Variants in CRACDL observed in about 807,000 individuals in gnomAD.
CRACDL encodes the protein CRACD like, also known as CRACD-like protein.
In CRACDL, 26 loss-of-function variants were observed where a neutral mutation model predicts 70.6. The ratio of observed to expected loss-of-function variants is 0.37; its 90% CI spans 0.27 to 0.51. The LOEUF (loss-of-function observed/expected upper bound fraction) is 0.51, where lower values mean the gene tolerates loss of function less well. Ranked by LOEUF, CRACDL falls within the 20% of genes least tolerant of loss-of-function variation. The pLI is 0.94. For missense variants in CRACDL, 1,283 were observed against 1,376.9 expected (o/e 0.93, Z 1.08); for synonymous variants, 618 against 615.2 (o/e 1.00, Z -0.07).
intron 1 of CRACDL, among the ~76,000 whole-genome samples, chr2:98,923,067 C>T (rs752584190): frequency 6.6e-6 from 1 of 151,866 alleles, no homozygotes; most frequent in Non-Finnish European, 1.5e-5. Flanking sequence ...CTCAGCAGTT[C>T]GAGACCAGCC....
At chr2:98,831,219 G>C (rs141671629) in intron 5 of CRACDL, among the ~76,000 whole-genome samples, 2 of 152,256 alleles carry the variant, frequency 1.3e-5, no homozygotes, top group East Asian at 3.9e-4. Context: ...CAGAATTCTG[G>C]AGAGAATAAT....
chr2:98,899,222 T>G (rs532696107), intron 1 of CRACDL, among the ~76,000 whole-genome samples: 1 of 152,320 alleles, frequency 6.6e-6, no homozygotes, highest in African/African-American at 2.4e-5. Context: ...CAGCCACTCC[T>G]CTGCCAGCCT....
intron 7 of CRACDL, among the ~76,000 whole-genome samples, chr2:98,819,274 C>T (rs1281885960): frequency 6.6e-6 from 1 of 152,202 alleles, no homozygotes; most frequent in Non-Finnish European, 1.5e-5. Flanking sequence ...TCAGATCTGA[C>T]TACGAGCTTG....
At chr2:98,795,774 T>C (rs1703791748) in intron 9 of CRACDL, among the ~76,000 whole-genome samples, 1 of 152,156 alleles carries the variant, frequency 6.6e-6, no homozygotes, top group Non-Finnish European at 1.5e-5. Context: ...AGTCAGCCCG[T>C]GGAACCCGCA....
chr2:98,926,741 AT>A (rs1708917002), intron 1 of CRACDL, among the ~76,000 whole-genome samples: 1 of 152,224 alleles, frequency 6.6e-6, no homozygotes, highest in African/African-American at 2.4e-5. Context: ...CATAAACCGA[AT>A]GCGAATCAAT....
intron 1 of CRACDL, chr2:98,908,330 G>T (rs956962469): frequency 4.6e-5 from 7 of 152,254 alleles, no homozygotes; most frequent in Non-Finnish European, 8.8e-5. Flanking sequence ...GACAGGAATG[G>T]GTCCCACACC....
intron 7 of CRACDL, among the ~76,000 whole-genome samples, chr2:98,811,326 A>G (rs1036197826): frequency 1.3e-5 from 2 of 151,936 alleles, no homozygotes; most frequent in Non-Finnish European, 2.9e-5. Flanking sequence ...CCTGGCCAAC[A>G]TGGTGAAACC....
At chr2:98,794,903 A>G (rs1703733361) in intron 9 of CRACDL, among the ~76,000 whole-genome samples, 1 of 151,758 alleles carries the variant, frequency 6.6e-6, no homozygotes, top group Admixed American at 6.6e-5. Context: ...GAGGTGAGAG[A>G]GACTTTGGAA....
At chr2:98,873,134 A>G (rs577094941) in intron 1 of CRACDL, among the ~76,000 whole-genome samples, 1 of 152,330 alleles carries the variant, frequency 6.6e-6, no homozygotes, top group South Asian at 2.1e-4. Context: ...AGCAGATCCT[A>G]CGTGTAAGTT....
At chr2:98,813,772 G>C (rs1704669947) in intron 7 of CRACDL, among the ~76,000 whole-genome samples, 1 of 152,090 alleles carries the variant, frequency 6.6e-6, no homozygotes, top group African/African-American at 2.4e-5. Flanking sequence ...GTTTTGCTGA[G>C]ATTTTGTATA....
At chr2:98,876,027 G>A (rs1211984591) in intron 1 of CRACDL, among the ~76,000 whole-genome samples, 1 of 152,174 alleles carries the variant, frequency 6.6e-6, no homozygotes, top group African/African-American at 2.4e-5. Flanking sequence ...TAAGCCACAA[G>A]CTTGCAAACT....
At chr2:98,875,349 C>G (rs1051016747) in intron 1 of CRACDL, among the ~76,000 whole-genome samples, 2 of 152,262 alleles carry the variant, frequency 1.3e-5, no homozygotes, top group African/African-American at 4.8e-5. Context: ...ACTGCCACTT[C>G]CCTGTGCTTC....
chr2:98,880,708 C>G (rs2104615121), intron 1 of CRACDL, among the ~76,000 whole-genome samples: 1 of 152,316 alleles, frequency 6.6e-6, no homozygotes, highest in Admixed American at 6.5e-5. Context: ...ACACCTGCAT[C>G]TAGTTGCTCC....
intron 1 of CRACDL, among the ~76,000 whole-genome samples, chr2:98,895,118 A>C (rs1464543379): frequency 1.3e-5 from 2 of 151,948 alleles, no homozygotes; most frequent in Non-Finnish European, 2.9e-5. Context: ...TTAAAAAAAA[A>C]CAAAAATATT....
chr2:98,886,590 T>G (rs900217239), intron 1 of CRACDL, among the ~76,000 whole-genome samples: 3 of 152,226 alleles, frequency 2.0e-5, no homozygotes, highest in Non-Finnish European at 4.4e-5. Flanking sequence ...TGTCCCAACA[T>G]GCACACAGAG....
intron 1 of CRACDL, among the ~76,000 whole-genome samples, chr2:98,889,333 A>AAGAT (rs1707900272): frequency 7.1e-6 from 1 of 141,038 alleles, no homozygotes; most frequent in Non-Finnish European, 1.6e-5. Flanking sequence ...GAAAGAAAGA[A>AAGAT]AGAAAGAAAG....
intron 1 of CRACDL, among the ~76,000 whole-genome samples, chr2:98,905,365 G>C (rs891739341): frequency 6.6e-6 from 1 of 151,990 alleles, no homozygotes; most frequent in Non-Finnish European, 1.5e-5. Context: ...GCTTCCTGAG[G>C]CCCTCACCAG....
At chr2:98,805,497 G>A (rs373508890) in intron 7 of CRACDL, among the ~76,000 whole-genome samples, 10 of 151,996 alleles carry the variant, frequency 6.6e-5, no homozygotes, top group South Asian at 4.1e-4. Flanking sequence ...TGCACCCTCC[G>A]TAGGGCCTCA....
At chr2:98,904,242 C>A (rs1297899940) in intron 1 of CRACDL, among the ~76,000 whole-genome samples, 1 of 152,160 alleles carries the variant, frequency 6.6e-6, no homozygotes, top group Non-Finnish European at 1.5e-5. Flanking sequence ...TTAGGTACAC[C>A]CTCATTGTCC....
Sources: gnomAD v4.1 joint callset for allele counts (sites outside exome capture counted in the v4.1 genomes callset) on GRCh38, gnomAD v4.1.1 for gene constraint, MANE v1.5 for transcripts, NCBI Gene and HGNC (gene_info 2026-07-23, HGNC 2026-07-21) for gene names.